CNOT4: variants seen among roughly 807,000 people sequenced by gnomAD.
The protein encoded by CNOT4 is CCR4-associated factor 4.
In CNOT4, 8 loss-of-function variants were observed where a neutral mutation model predicts 73.8. The ratio of observed to expected loss-of-function variants is 0.11; its 90% CI spans 0.06 to 0.20. The LOEUF is 0.20. Among genes scored for constraint, CNOT4 ranks in the 10% least tolerant of loss-of-function variants. The pLI is 1.00. For missense variants in CNOT4, 564 were observed against 883.4 expected, an observed-to-expected ratio of 0.64 and a Z score of 4.58; for synonymous variants, 293 against 321.1, an observed-to-expected ratio of 0.91 and a Z score of 0.94.
At chr7:135,373,575 A>AT (rs768527904) in intron 10 of CNOT4, among the ~76,000 whole-genome samples, 1 of 152,044 alleles carries the variant, frequency 6.6e-6, no homozygotes, top group Non-Finnish European at 1.5e-5. Context: ...TAGAATTATT[A>AT]TTTTTTTATT....
At chr7:135,387,581 C>G in intron 10 of CNOT4, 1 of 975,480 alleles carries the variant, frequency 1.0e-6, no homozygotes, top group Non-Finnish European at 1.2e-6. Context: ...TTAAAGCATA[C>G]CTTTTATCAT....
chr7:135,444,621 T>A, intron 1 of CNOT4: 1 of 1,275,946 alleles, frequency 7.8e-7, no homozygotes, highest in Non-Finnish European at 1.1e-6. Context: ...GAGCCACCAT[T>A]CTGGTTCCAA....
intron 1 of CNOT4, among the ~76,000 whole-genome samples, chr7:135,497,381 C>A (rs1803660105): frequency 6.6e-6 from 1 of 152,038 alleles, no homozygotes; most frequent in Non-Finnish European, 1.5e-5. Flanking sequence ...TGCACTATAG[C>A]CTGGGTGAGA....
intron 10 of CNOT4, among the ~76,000 whole-genome samples, chr7:135,385,856 T>C (rs987926318): frequency 5.3e-5 from 8 of 152,308 alleles, no homozygotes; most frequent in Admixed American, 3.9e-4. Flanking sequence ...ATAGGGTCTG[T>C]ATTTTATTCA....
At chr7:135,471,616 T>C (rs893290261) in intron 1 of CNOT4, among the ~76,000 whole-genome samples, 6 of 152,258 alleles carry the variant, frequency 3.9e-5, no homozygotes, top group African/African-American at 7.2e-5. Context: ...ATCTATTTTA[T>C]GTATATATGT....
At chr7:135,469,356 C>A (rs1801428671) in intron 1 of CNOT4, among the ~76,000 whole-genome samples, 1 of 152,118 alleles carries the variant, frequency 6.6e-6, no homozygotes, top group Admixed American at 6.6e-5. Flanking sequence ...CCTGGACCTT[C>A]TCATTTATGT....
Position 135,394,034 on chromosome 7 carries a change from G to A in CNOT4, c.1511C>T (p.Pro504Leu). 6.2e-7 allele frequency: 1 copy of A among 1,614,160 alleles called. No homozygotes were observed. The highest frequency in any genetic ancestry group is 1.1e-5 in the South Asian group (1 of 91,084). ...GTTCAAGTGCATGATGCTATTGCGTGGAAAGGCCATCCAAGGATAGCGGGC... is the reference window on the plus strand; with the variant it reads ...GTTCAAGTGCATGATGCTATTGCGTAGAAAGGCCATCCAAGGATAGCGGGC... ...QAARYPWMAF[P>L]RNSIMHLNHT... The change falls in exon 10 of 12, where the codon CCA becomes CTA. Residue 504 changes from proline to leucine, a missense_variant. This residue lies in a region of CNOT4 where 153 missense variants were observed against 158.7 expected (regional missense o/e 0.96). Coordinates refer to ENST00000541284, the MANE Select transcript of CNOT4 (RefSeq NM_001190850.2).
At chr7:135,449,759 G>A (rs1800051278) in intron 1 of CNOT4, among the ~76,000 whole-genome samples, 1 of 151,316 alleles carries the variant, frequency 6.6e-6, no homozygotes, top group African/African-American at 2.4e-5. Flanking sequence ...AAAAGACTTT[G>A]ACATGGACTA....
chr7:135,371,837 C>T (rs1795219374), intron 10 of CNOT4, among the ~76,000 whole-genome samples: 1 of 152,050 alleles, frequency 6.6e-6, no homozygotes, highest in South Asian at 2.1e-4. Flanking sequence ...AGATGAGACC[C>T]GAACCACAAT....
At chr7:135,490,332 T>C (rs1475262804) in intron 1 of CNOT4, among the ~76,000 whole-genome samples, 1 of 152,156 alleles carries the variant, frequency 6.6e-6, no homozygotes, top group Non-Finnish European at 1.5e-5. Flanking sequence ...CTAAGAAATA[T>C]AATATTTCCA....
intron 10 of CNOT4, chr7:135,388,733 C>G: frequency 6.4e-7 from 1 of 1,562,972 alleles, no homozygotes; most frequent in Non-Finnish European, 8.7e-7. Flanking sequence ...AGGAATCATG[C>G]AAAAATCCAG....
At chr7:135,389,773 A>G (rs1393223336) in intron 10 of CNOT4, among the ~76,000 whole-genome samples, 1 of 152,212 alleles carries the variant, frequency 6.6e-6, no homozygotes, top group East Asian at 1.9e-4. Context: ...TGTTTTCCAA[A>G]TAATTTTTAA....
intron 1 of CNOT4, chr7:135,509,050 T>C (rs1158963525): frequency 1.3e-5 from 2 of 152,194 alleles, no homozygotes; most frequent in Non-Finnish European, 2.9e-5. Context: ...TCTTCACTCA[T>C]AACGTTTAAT....
intron 10 of CNOT4, among the ~76,000 whole-genome samples, chr7:135,366,320 T>C (rs1794911426): frequency 6.6e-6 from 1 of 152,194 alleles, no homozygotes; most frequent in African/African-American, 2.4e-5. Context: ...AAATTAGTAA[T>C]AAAGTCAAAA....
At chr7:135,409,057 C>T (rs983941423) in intron 7 of CNOT4, among the ~76,000 whole-genome samples, 3 of 152,070 alleles carry the variant, frequency 2.0e-5, no homozygotes, top group African/African-American at 7.2e-5. Flanking sequence ...CTGAAATCAC[C>T]AAGGGCTATA....
chr7:135,459,626 C>T (rs1800751436), intron 1 of CNOT4, among the ~76,000 whole-genome samples: 1 of 152,118 alleles, frequency 6.6e-6, no homozygotes, highest in African/African-American at 2.4e-5. Context: ...TCATAAAGTC[C>T]CTCATATAAA....
chr7:135,495,906 C>A (rs1463797669), intron 1 of CNOT4, among the ~76,000 whole-genome samples: 2 of 151,620 alleles, frequency 1.3e-5, no homozygotes, highest in Non-Finnish European at 2.9e-5. Flanking sequence ...TGCACTCCAG[C>A]CTGGAAAACA....
intron 1 of CNOT4, among the ~76,000 whole-genome samples, chr7:135,470,600 A>T (rs762313722): frequency 3.3e-5 from 5 of 152,264 alleles, no homozygotes; most frequent in Admixed American, 2.6e-4. Context: ...AATGTCCATC[A>T]ACATGTAAAT....
At chr7:135,376,018 G>C (rs1249431860) in intron 10 of CNOT4, among the ~76,000 whole-genome samples, 2 of 150,344 alleles carry the variant, frequency 1.3e-5, no homozygotes, top group Non-Finnish European at 3.0e-5. Flanking sequence ...GGTTTCCCAA[G>C]TTCAGAGGAA....
Sources: allele counts gnomAD v4.1 joint callset (sites outside exome capture counted in the v4.1 genomes callset), GRCh38; gene constraint gnomAD v4.1.1; regional missense constraint gnomAD v4.1.1; transcripts MANE v1.5; gene names NCBI Gene and HGNC (gene_info 2026-07-23, HGNC 2026-07-21).